The following RPL5 variants were observed in gnomAD, a reference collection of about 807,000 sequenced individuals.
RPL5 encodes ribosomal protein L5.
RPL5 carries 1 observed loss-of-function variant against 38.4 expected under a neutral mutation model. The ratio of observed to expected loss-of-function variants is 0.03; its 90% confidence interval spans 0.01 to 0.12. The LOEUF (loss-of-function observed/expected upper bound fraction) is 0.12, where lower values mean the gene tolerates loss of function less well. Among genes scored for constraint, RPL5 ranks in the 10% least tolerant of loss-of-function variants. The probability of loss-of-function intolerance (pLI) is 1.00; values close to 1 mark genes in which losing one functional copy is unlikely to be tolerated. For missense variants in RPL5, 243 were observed against 374.1 expected (o/e 0.65, Z 2.89); for synonymous variants, 109 against 121.2 (o/e 0.90, Z 0.66).
At chr1:92,838,947 A>G (rs1281056138) in intron 6 of RPL5, among the ~76,000 whole-genome samples, 1 of 151,416 alleles carries the variant, frequency 6.6e-6, no homozygotes, top group East Asian at 1.9e-4. Flanking sequence ...ACATCTCCAC[A>G]TTGATTGAAT....
Position 92,833,730 on chromosome 1 carries a change from G to GGT in RPL5, c.189+79_189+80dup, listed in dbSNP as rs947480137. ...ATTGTGCTTGGGAAGCAAAGCACAT[G>GGT]GTGTGTGTGTTAGAAGGGCTGTCTA... On this transcript the variant is annotated intron_variant, in intron 3 of 7. Coordinates refer to ENST00000370321, the MANE Select transcript of RPL5 (RefSeq NM_000969.5). 71 of 1,252,512 alleles carry GGT rather than the reference G, an allele frequency of 5.7e-5. No homozygotes were observed. The Admixed American group carries it at 6.0e-4, about 11-fold the overall frequency. 77.6% of individuals were successfully genotyped at this position (1,252,512 alleles called of 1,614,324 possible).
intron 6 of RPL5, 131 bp from the exon 7 acceptor site, chr1:92,840,420 G>T: frequency 1.4e-6 from 1 of 736,242 alleles, no homozygotes. Context: ...AAGTTAAAGT[G>T]TTTACCAACA....
Position 92,834,823 on chromosome 1 carries a change from G to C in RPL5, c.234G>C (p.Ala78=), listed in dbSNP as rs778200458. The C allele has an allele frequency of 1.2e-6, 2 of 1,612,148 alleles. No individual in the cohort carries two copies. Among genetic ancestry groups the C allele is most frequent in the Non-Finnish European group, 1.7e-6 (2 of 1,179,938 alleles). ...AGGGGGATATGATAGTCTGCGCAGC[G>C]TATGCACACGAACTGCCAAAATATG... is the stretch of plus-strand genomic sequence containing the variant. The part of the protein sequence containing the change: ...RIEGDMIVCA[A]YAHELPKYGV... The change falls in exon 4 of 8, where the codon GCG becomes GCC. Residue 78 remains alanine (A), a synonymous_variant. Transcript: ENST00000370321.
intron 6 of RPL5, among the ~76,000 whole-genome samples, chr1:92,838,403 TCTA>T (rs1240999477): frequency 1.3e-5 from 2 of 152,218 alleles, no homozygotes; most frequent in African/African-American, 4.8e-5. Flanking sequence ...GGATTATGAT[TCTA>T]CTAGTCTTGC....
intron 1 of RPL5, among the ~76,000 whole-genome samples, chr1:92,832,455 C>T (rs1057146379): frequency 6.6e-6 from 1 of 152,202 alleles, no homozygotes; most frequent in Non-Finnish European, 1.5e-5. Context: ...AGCAGTCGAC[C>T]TCAGCCTAGC....
At chr1:92,832,982 T>G in intron 1 of RPL5, 1 of 731,186 alleles carries the variant, frequency 1.4e-6, no homozygotes, top group Non-Finnish European at 2.5e-6. Flanking sequence ...CATCACTGAT[T>G]GCTGTCTGGA....
chr1:92,841,883 G>C lies in RPL5; in HGVS notation c.*18G>C. 5.1e-6 allele frequency: 8 copies of C among 1,564,006 alleles called. No individual in the cohort carries two copies. The highest frequency in any genetic ancestry group is 7.0e-6 in the Non-Finnish European group (8 of 1,136,454). On this transcript the variant is annotated 3_prime_UTR_variant, in exon 8 of 8. Transcript: ENST00000370321. ...AGAGCTAAACCCAGCAATTTTCTAT[G>C]ATTTTTTCAGATATAGATAATAAAC...
In RPL5 at chr1:92,837,607, A is replaced by T; in HGVS notation, c.679A>T (p.Ile227Leu). 6.2e-7 allele frequency: 1 copy of T among 1,612,192 alleles called. No homozygotes were observed. Among genetic ancestry groups the T allele is most frequent in the Non-Finnish European group, 8.5e-7 (1 of 1,179,724 alleles). The change falls in exon 6 of 8, where the codon ATA becomes TTA. Residue 227 changes from isoleucine (I) to leucine (L), a missense_variant. Transcript: ENST00000370321. ...TTACAAGAAACAGTTCTCTCAATACATAAAGAACAGCGTAACTCCAGACAT... is the reference window on the plus strand; with the variant it reads ...TTACAAGAAACAGTTCTCTCAATACTTAAAGAACAGCGTAACTCCAGACAT... Reference protein sequence around the residue: ...DAYKKQFSQYIKNSVTPDMME... With the variant: ...DAYKKQFSQYLKNSVTPDMME...
At chr1:92,833,990 C>T (rs1356913896) in intron 3 of RPL5, 1 of 336,358 alleles carries the variant, frequency 3.0e-6, no homozygotes, top group African/African-American at 2.1e-5. Flanking sequence ...CACCTGTAGT[C>T]CCAGCTACTC....
chr1:92,837,670 T>C, intron 6 of RPL5, 37 bp downstream of exon 6: 1 of 1,542,288 alleles, frequency 6.5e-7, no homozygotes, highest in Non-Finnish European at 8.8e-7. Flanking sequence ...TATTGGTTAA[T>C]TTATGGAAAT....
chr1:92,833,153 T>C, intron 1 of RPL5: 2 of 662,740 alleles, frequency 3.0e-6, no homozygotes, highest in Non-Finnish European at 2.7e-6. Context: ...GTTTCTTTTA[T>C]TCCATATTTC....
At chr1:92,833,934 T>C in intron 3 of RPL5, 1 of 419,256 alleles carries the variant, frequency 2.4e-6, no homozygotes, top group Non-Finnish European at 4.4e-6. Context: ...AGTGAGAGTT[T>C]GTCTTCACAA....
chr1:92,832,032 G>T, upstream of RPL5: 1 of 1,598,604 alleles, frequency 6.3e-7, no homozygotes, highest in South Asian at 1.1e-5. Flanking sequence ...CTGCGCAAGG[G>T]CTGTGGCCCT....
intron 3 of RPL5, 88 bp downstream of exon 3, chr1:92,833,748 G>C: frequency 2.9e-6 from 3 of 1,032,534 alleles, no homozygotes; most frequent in Non-Finnish European, 4.5e-6. Context: ...TGTTAGAAGG[G>C]CTGTCTAGCA....
intron 6 of RPL5, among the ~76,000 whole-genome samples, chr1:92,839,957 C>A (rs931896788): frequency 6.6e-6 from 1 of 151,570 alleles, no homozygotes; most frequent in African/African-American, 2.4e-5. Flanking sequence ...TCTCCCACCT[C>A]AGCCTCTCGA....
intron 3 of RPL5, 88 bp from the exon 4 acceptor site, chr1:92,834,691 A>G (rs757332316): frequency 1.0e-5 from 16 of 1,543,476 alleles, no homozygotes; most frequent in Admixed American, 5.0e-5. Context: ...GTGTCCATCA[A>G]TGTTTTTTTA....
In RPL5 at chr1:92,835,789, A is replaced by G. The variant is rs1410660903; in HGVS notation, c.325-401A>G. ...GATTTTGCCTTGTTTTTATTATCTG[A>G]GTTTTTTACCTTGTTTTGCAATGGA... On this transcript the variant is annotated intron_variant, in intron 4 of 7. Transcript: ENST00000370321. Among the ~76,000 whole-genome samples, 7 of 151,828 alleles carry G rather than the reference A, an allele frequency of 4.6e-5. No homozygotes were observed. In the South Asian group the frequency reaches 8.3e-4, roughly 18 times the overall value.
At chr1:92,837,191 G>C in intron 5 of RPL5, 1 of 615,852 alleles carries the variant, frequency 1.6e-6, no homozygotes, top group Non-Finnish European at 3.0e-6. Context: ...CTGATGTGCT[G>C]GATGACTAAT....
At chr1:92,834,636 G>A in intron 3 of RPL5, 143 bp from the exon 4 acceptor site, 2 of 1,080,504 alleles carry the variant, frequency 1.9e-6, no homozygotes, top group African/African-American at 1.6e-5. Context: ...CTAATTTACT[G>A]GTAACCCAGC....
Sources: allele counts gnomAD v4.1 joint callset (sites outside exome capture counted in the v4.1 genomes callset), GRCh38; gene constraint gnomAD v4.1.1; transcripts MANE v1.5; gene names NCBI Gene and HGNC (gene_info 2026-07-23, HGNC 2026-07-21).